Variants in GPATCH2 observed in about 807,000 individuals in gnomAD.
The protein encoded by GPATCH2 is G patch domain-containing protein 2.
A neutral mutation model predicts 58.0 loss-of-function variants in GPATCH2; 51 were observed. The ratio of observed to expected loss-of-function variants is 0.88; its 90% CI spans 0.70 to 1.11. GPATCH2 has a LOEUF of 1.11. Ranked by LOEUF, GPATCH2 falls within the 50% of genes most tolerant of loss-of-function variation. The pLI is 0.00. For synonymous variants in GPATCH2, 222 were observed against 218.5 expected (o/e 1.02, Z -0.14); for missense variants, 625 against 652.2 (o/e 0.96, Z 0.45).
chr1:217,615,288 T>G (rs1208398040), intron 2 of GPATCH2, among the ~76,000 whole-genome samples: 2 of 152,082 alleles, frequency 1.3e-5, no homozygotes, highest in Non-Finnish European at 2.9e-5. Flanking sequence ...TAATGAAGAA[T>G]ATAGGAATTT....
At chr1:217,448,303 T>A (rs1053247667) in intron 9 of GPATCH2, among the ~76,000 whole-genome samples, 3 of 152,156 alleles carry the variant, frequency 2.0e-5, no homozygotes, top group Admixed American at 1.3e-4. Context: ...CAAATGAAGC[T>A]AAGAGAAAAT....
chr1:217,567,961 A>C (rs1276910079), intron 5 of GPATCH2, among the ~76,000 whole-genome samples: 2 of 151,914 alleles, frequency 1.3e-5, no homozygotes, highest in East Asian at 1.9e-4. Context: ...CTAAAAATAC[A>C]AAAAAATTAG....
intron 5 of GPATCH2, among the ~76,000 whole-genome samples, chr1:217,563,544 A>G (rs1666035226): frequency 6.6e-6 from 1 of 152,196 alleles, no homozygotes. Flanking sequence ...ATTGATAAAG[A>G]AATAAGGTAC....
intron 5 of GPATCH2, among the ~76,000 whole-genome samples, chr1:217,557,846 T>C (rs566451002): frequency 5.3e-5 from 8 of 152,326 alleles, no homozygotes; most frequent in African/African-American, 1.9e-4. Flanking sequence ...AAATTTTGAA[T>C]TCCTAAAACT....
chr1:217,620,376 A>G lies in GPATCH2; in HGVS notation c.180T>C (p.Pro60=), dbSNP rs34839777. The G allele has an allele frequency of 1.3e-3, 2,117 of 1,613,968 alleles. 25 individuals carry two copies. The African/African-American group carries it at 0.025, about 19-fold the overall frequency. ...TGDHSRSISC[P]LKRQARKRRG... ...TCCTTTTCCTTGCCTGGCGTTTCAG[A>G]GGGCAAGATATACTTCGAGAATGGT... Residue 60 remains proline, a synonymous_variant, in exon 2 of 10, where the codon CCT becomes CCC. Coordinates refer to ENST00000366935, the MANE Select transcript of GPATCH2 (RefSeq NM_018040.5).
rs1659860564 is a variant in GPATCH2 at position 217,454,708 on chromosome 1, G to T, written c.1278-5371C>A. ...GCTCACTGTGACTTCTGCCTCTTGA[G>T]TTCAAGTGATTCTCATACCTCAGCA... is the stretch of plus-strand genomic sequence containing the variant. On this transcript the variant is annotated intron_variant, in intron 8 of 9. Coordinates refer to ENST00000366935, the MANE Select transcript of GPATCH2 (RefSeq NM_018040.5). Among the ~76,000 whole-genome samples, 3 of 150,338 alleles carry T rather than the reference G, an allele frequency of 2.0e-5. No homozygotes were observed. In the South Asian group the frequency reaches 6.4e-4, roughly 32 times the overall value.
At chr1:217,435,489 T>G (rs1658781032) in intron 9 of GPATCH2, among the ~76,000 whole-genome samples, 3 of 152,202 alleles carry the variant, frequency 2.0e-5, no homozygotes, top group Admixed American at 6.5e-5. Context: ...AGTGTTGTAT[T>G]GATGTTGGAT....
chr1:217,579,900 T>C lies in GPATCH2; in HGVS notation c.1098+30421A>G, dbSNP rs138355259. ...CCTTTAATCTCAGTGACTGTCTATA[T>C]GGTCAAAGCCTTTAGCTGTGCCATC... On this transcript the variant is annotated intron_variant, in intron 5 of 9. Coordinates refer to ENST00000366935, the MANE Select transcript of GPATCH2 (RefSeq NM_018040.5). Among the ~76,000 whole-genome samples the C allele has an allele frequency of 4.5e-3, 689 of 152,298 alleles. 7 individuals are homozygous for C. The highest frequency in any genetic ancestry group is 0.016 in the African/African-American group (646 of 41,572).
At chr1:217,434,404 T>C (rs1429098667) in intron 9 of GPATCH2, among the ~76,000 whole-genome samples, 1 of 152,224 alleles carries the variant, frequency 6.6e-6, no homozygotes, top group Non-Finnish European at 1.5e-5. Context: ...GCCATGATTA[T>C]GGTGGTAACC....
rs572850849 is a variant in GPATCH2 at position 217,564,782 on chromosome 1, C to T, written c.1098+45539G>A. ...TATCAGTGAAATCCTAACTTGGGTA[C>T]AACCATATATTAAGTTATTAATACA... On this transcript the variant is annotated intron_variant, in intron 5 of 9. Transcript: ENST00000366935. Among the ~76,000 whole-genome samples the T allele has an allele frequency of 8.5e-5, 13 of 152,230 alleles. No individual in the cohort carries two copies. In the South Asian group the frequency reaches 2.7e-3, roughly 32 times the overall value.
At chr1:217,449,141 AACTG>A (rs1265659163) in intron 9 of GPATCH2, 104 bp downstream of exon 9, 1 of 706,556 alleles carries the variant, frequency 1.4e-6, no homozygotes, top group Non-Finnish European at 2.6e-6. Flanking sequence ...AGTTTCTTGC[AACTG>A]TGCTTCTTCT....
intron 2 of GPATCH2, among the ~76,000 whole-genome samples, chr1:217,616,238 A>G (rs1668880087): frequency 2.0e-5 from 3 of 152,194 alleles, no homozygotes; most frequent in Admixed American, 1.3e-4. Flanking sequence ...TTGATAAACT[A>G]TGCACACACA....
intron 8 of GPATCH2, among the ~76,000 whole-genome samples, chr1:217,473,720 G>C (rs912407386): frequency 6.6e-6 from 1 of 151,690 alleles, no homozygotes; most frequent in African/African-American, 2.4e-5. Context: ...ATATAAGCAA[G>C]GTGGAAGAAC....
At chr1:217,498,248 C>CG in intron 7 of GPATCH2, 108 bp downstream of exon 7, 1 of 854,398 alleles carries the variant, frequency 1.2e-6, no homozygotes, top group East Asian at 2.4e-5. Context: ...TTAAAATGAG[C>CG]GGGGATTTGT....
At chr1:217,571,017 G>GC (rs1666511923) in intron 5 of GPATCH2, among the ~76,000 whole-genome samples, 1 of 152,198 alleles carries the variant, frequency 6.6e-6, no homozygotes, top group East Asian at 1.9e-4. Flanking sequence ...TCCAATGGCA[G>GC]CCTACCAGGT....
At position 217,494,770 on chromosome 1, in the gene GPATCH2, T is replaced by C. The variant is rs538502957; in HGVS notation, c.1207-3020A>G. On this transcript the variant is annotated intron_variant, in intron 7 of 9. Transcript: ENST00000366935. ...AAAAAAAAAGAAGACTCCCAACATA[T>C]TTTTTTTTAAAGTCAGATTATGAAT... Among the ~76,000 whole-genome samples, 5 of 148,330 alleles carry C rather than the reference T, an allele frequency of 3.4e-5. No homozygotes were observed. In the South Asian group the frequency reaches 1.0e-3, roughly 31 times the overall value.
chr1:217,526,663 T>A (rs1044820365), intron 5 of GPATCH2, among the ~76,000 whole-genome samples: 6 of 152,226 alleles, frequency 3.9e-5, no homozygotes, highest in Non-Finnish European at 8.8e-5. Context: ...CAGACTGTCA[T>A]ATTTTTGAAA....
chr1:217,629,213 T>C (rs899487221), intron 1 of GPATCH2, among the ~76,000 whole-genome samples: 1 of 101,512 alleles, frequency 9.9e-6, no homozygotes, highest in African/African-American at 3.0e-5. Flanking sequence ...CTGGAATTTT[T>C]ACATTCCAGA....
intron 5 of GPATCH2, among the ~76,000 whole-genome samples, chr1:217,526,609 T>C (rs1266828146): frequency 2.0e-5 from 3 of 152,234 alleles, no homozygotes; most frequent in Non-Finnish European, 2.9e-5. Flanking sequence ...CTAAAACTTT[T>C]AACATTTTTT....
Sources: gnomAD v4.1 joint callset for allele counts (sites outside exome capture counted in the v4.1 genomes callset) on GRCh38, gnomAD v4.1.1 for gene constraint, MANE v1.5 for transcripts, NCBI Gene and HGNC (gene_info 2026-07-23, HGNC 2026-07-21) for gene names.